Variants in CPVL observed in about 807,000 individuals in gnomAD.
CPVL encodes carboxypeptidase vitellogenic like.
In CPVL, 51 loss-of-function variants were observed where a neutral mutation model predicts 63.7. The ratio of observed to expected loss-of-function variants is 0.80; its 90% CI spans 0.64 to 1.01. The LOEUF is 1.01. Ranked by LOEUF, CPVL falls within the 50% of genes least tolerant of loss-of-function variation. The probability of loss-of-function intolerance (pLI) is 0.00; values close to 1 mark genes in which losing one functional copy is unlikely to be tolerated. For synonymous variants in CPVL, 195 were observed against 206.0 expected, an observed-to-expected ratio of 0.95 and a Z score of 0.46; for missense variants, 530 against 573.1, an observed-to-expected ratio of 0.92 and a Z score of 0.77.
At position 28,995,467 on chromosome 7, in the gene CPVL, G is replaced by A. The variant is rs1583905388; in HGVS notation, c.*305C>T. 4.0e-6 allele frequency: 1 copy of A among 247,374 alleles called. No individual in the cohort carries two copies. The highest frequency in any genetic ancestry group is 1.4e-3 in the Middle Eastern group (1 of 740). 15.3% of individuals were successfully genotyped at this position (247,374 alleles called of 1,614,324 possible). On this transcript the variant is annotated 3_prime_UTR_variant, in exon 13 of 13. Transcript: ENST00000265394. The stretch of plus-strand genomic sequence containing the variant: ...CTGCACTTTTCACTTACTCTTAGAA[G>A]AAATTAAAACTTCCTATTCAAGACC...
chr7:29,056,547 T>A (rs1478800538), intron 11 of CPVL, among the ~76,000 whole-genome samples: 1 of 152,218 alleles, frequency 6.6e-6, no homozygotes, highest in Non-Finnish European at 1.5e-5. Context: ...TGAATAAAAT[T>A]TCATTGTCTG....
intron 11 of CPVL, among the ~76,000 whole-genome samples, chr7:29,046,567 G>A (rs544623291): frequency 1.3e-5 from 2 of 149,670 alleles, no homozygotes; most frequent in Non-Finnish European, 3.0e-5. Flanking sequence ...GTGCGCGCGT[G>A]CACACACACA....
chr7:29,023,186 C>G lies in CPVL; in HGVS notation c.1320+7391G>C, dbSNP rs558968234. Among the ~76,000 whole-genome samples, 4 of 152,354 alleles carry G rather than the reference C, an allele frequency of 2.6e-5. No homozygotes were observed. The South Asian group carries it at 8.3e-4, about 32-fold the overall frequency. On this transcript the variant is annotated intron_variant, in intron 12 of 12. Transcript: ENST00000265394. ...AAGTCACCTGGAAGCCTGTATTAGT[C>G]TGTTCTCATGCTGCTAATAAAGACA...
At chr7:29,030,546 A>G in intron 12 of CPVL, 31 bp downstream of exon 12, 11 of 1,594,612 alleles carry the variant, frequency 6.9e-6, no homozygotes, top group Non-Finnish European at 9.4e-6. Flanking sequence ...TCCCATTCCC[A>G]CAACCTGCCT....
intron 7 of CPVL, among the ~76,000 whole-genome samples, chr7:29,074,382 CTT>C (rs1290943557): frequency 2.6e-5 from 4 of 152,146 alleles, no homozygotes; most frequent in Non-Finnish European, 5.9e-5. Flanking sequence ...GCTACATTCT[CTT>C]GTTAGTGACA....
intron 11 of CPVL, among the ~76,000 whole-genome samples, chr7:29,041,206 AC>A (rs1203972698): frequency 1.4e-5 from 2 of 142,240 alleles, no homozygotes; most frequent in African/African-American, 5.3e-5. Context: ...ATCTCGGCTC[AC>A]TGCGACTTCT....
Position 29,071,667 on chromosome 7 carries a change from T to C in CPVL, c.864+106A>G, listed in dbSNP as rs557654449. Reference sequence around the variant, plus strand: ...TCTCCAATGGAATAACAGATATACCTTCTTAACAAAAAAATGCCTGAGCAC... The same window carrying C: ...TCTCCAATGGAATAACAGATATACCCTCTTAACAAAAAAATGCCTGAGCAC... On this transcript the variant is annotated intron_variant, in intron 9 of 12. Coordinates refer to ENST00000265394, the MANE Select transcript of CPVL (RefSeq NM_031311.5). 9 of 1,309,658 alleles carry C rather than the reference T, an allele frequency of 6.9e-6. No homozygotes were observed. The East Asian group carries it at 1.9e-4, about 27-fold the overall frequency. 81.1% of individuals were successfully genotyped at this position (1,309,658 alleles called of 1,614,324 possible).
At chr7:29,116,177 A>G (rs996396771) in intron 2 of CPVL, among the ~76,000 whole-genome samples, 1 of 152,224 alleles carries the variant, frequency 6.6e-6, no homozygotes, top group Non-Finnish European at 1.5e-5. Flanking sequence ...AGGCACCAAG[A>G]TTGGCTTATT....
At chr7:29,127,856 T>G (rs1180207132) in intron 1 of CPVL, among the ~76,000 whole-genome samples, 1 of 152,194 alleles carries the variant, frequency 6.6e-6, no homozygotes, top group African/African-American at 2.4e-5. Flanking sequence ...GTCCTCCAAT[T>G]ACACTTCTGC....
intron 3 of CPVL, among the ~76,000 whole-genome samples, chr7:29,099,219 T>C (rs1486192778): frequency 1.3e-5 from 2 of 152,018 alleles, no homozygotes; most frequent in Non-Finnish European, 2.9e-5. Flanking sequence ...ATTGCTATAA[T>C]AGATAATCAC....
chr7:29,068,123 G>T (rs901310176), intron 9 of CPVL, among the ~76,000 whole-genome samples: 22 of 151,116 alleles, frequency 1.5e-4, no homozygotes, highest in Non-Finnish European at 2.9e-4. Context: ...TCCTGCCTCA[G>T]CCTCCCGAGT....
chr7:29,103,192 G>C (rs913460123), intron 3 of CPVL, among the ~76,000 whole-genome samples: 2 of 135,986 alleles, frequency 1.5e-5, no homozygotes, highest in Admixed American at 7.6e-5. Flanking sequence ...GGGGGGGGGG[G>C]GGGGTGCTAA....
chr7:29,139,314 T>C (rs958799146), intron 1 of CPVL, among the ~76,000 whole-genome samples: 1 of 152,188 alleles, frequency 6.6e-6, no homozygotes, highest in Non-Finnish European at 1.5e-5. Flanking sequence ...AGATGGACTA[T>C]ATAATTCCCA....
chr7:29,156,020 G>T (rs1361128318), intron 5 of CPVL, among the ~76,000 whole-genome samples: 1 of 152,172 alleles, frequency 6.6e-6, no homozygotes, highest in Non-Finnish European at 1.5e-5. Flanking sequence ...TTTAATATTG[G>T]TTTTCTTCCC....
rs969801605 is a variant in CPVL at position 28,995,529 on chromosome 7, A to G, written c.*243T>C. 2.2e-5 allele frequency: 9 copies of G among 402,060 alleles called. No homozygotes were observed. The highest frequency in any genetic ancestry group is 1.9e-4 in the Admixed American group (4 of 21,380). 24.9% of individuals were successfully genotyped at this position (402,060 alleles called of 1,614,324 possible). A position where few individuals can be genotyped will look rare whatever the true frequency, so the allele number is the denominator to read the frequency against. On this transcript the variant is annotated 3_prime_UTR_variant, in exon 13 of 13. Coordinates refer to ENST00000265394, the MANE Select transcript of CPVL (RefSeq NM_031311.5). ...TTTATACATCTTGTCTCAGTGTCAC[A>G]TCATCCATACCTTTCATCCTTTAAG...
chr7:29,035,144 TATTA>T lies in CPVL; in HGVS notation c.1138-4389_1138-4386del, dbSNP rs202220012. Among the ~76,000 whole-genome samples, 651 of 152,268 alleles carry T rather than the reference TATTA, an allele frequency of 4.3e-3. 6 individuals carry two copies. Among genetic ancestry groups the T allele is most frequent in the African/African-American group, 0.015 (620 of 41,536 alleles). ...GAGATGAGAAAAGCATCTTTATTAT[TATTA>T]ATTCTTTCTTGCTTTTCAACCTGCT... On this transcript the variant is annotated intron_variant, in intron 11 of 12. Coordinates refer to ENST00000265394, the MANE Select transcript of CPVL (RefSeq NM_031311.5).
intron 5 of CPVL, among the ~76,000 whole-genome samples, chr7:29,158,632 G>C (rs952301888): frequency 2.0e-5 from 3 of 151,028 alleles, no homozygotes; most frequent in Non-Finnish European, 4.4e-5. Flanking sequence ...TGCCTGAATA[G>C]GTGAATTATG....
intron 12 of CPVL, among the ~76,000 whole-genome samples, chr7:29,007,711 T>A (rs1785335055): frequency 2.6e-5 from 4 of 151,866 alleles, no homozygotes; most frequent in African/African-American, 9.7e-5. Context: ...TGTGTACAAC[T>A]GGTGAACAAT....
At chr7:28,994,779 C>T (rs1303770648), downstream of CPVL, among the ~76,000 whole-genome samples, 2 of 152,170 alleles carry the variant, frequency 1.3e-5, no homozygotes, top group Non-Finnish European at 2.9e-5. Flanking sequence ...GCCGCAAGAA[C>T]AGGCTTTGAC....
Sources: allele counts gnomAD v4.1 joint callset (sites outside exome capture counted in the v4.1 genomes callset), GRCh38; gene constraint gnomAD v4.1.1; transcripts MANE v1.5; gene names NCBI Gene and HGNC (gene_info 2026-07-23, HGNC 2026-07-21).